AGAP1: variants seen among roughly 807,000 people sequenced by gnomAD.
AGAP1 encodes arf-GAP with GTPase, ANK repeat and PH domain-containing protein 1.
A neutral mutation model predicts 105.3 loss-of-function variants in AGAP1; 29 were observed. The observed-to-expected ratio is 0.28, with a 90% confidence interval of 0.21 to 0.38. The LOEUF is 0.38. Ranked by LOEUF, AGAP1 falls within the 10% of genes least tolerant of loss-of-function variation. The pLI is 1.00. For synonymous variants in AGAP1, 509 were observed against 485.9 expected (o/e 1.05, Z -0.63); for missense variants, 998 against 1,165.1 (o/e 0.86, Z 2.09).
Position 236,105,305 on chromosome 2 carries a change from G to C in AGAP1, c.2115-14887G>C, listed in dbSNP as rs912289556. On this transcript the variant is annotated intron_variant, in intron 16 of 17. Coordinates refer to ENST00000304032, the MANE Select transcript of AGAP1 (RefSeq NM_001037131.3). This position sits in a 1 kb window ranked among gnomAD's most constrained non-coding sequence, Gnocchi z 4.2. ...ACTTCAGTTTTAACACGATAGCCAG[G>C]TAAGGGGGAAAGATGGGCGGAGCGG... Among the ~76,000 whole-genome samples the C allele has an allele frequency of 6.6e-6, 1 of 152,270 alleles. No individual in the cohort carries two copies. Among genetic ancestry groups the C allele is most frequent in the African/African-American group, 2.4e-5 (1 of 41,546 alleles).
At chr2:236,054,756 A>G (rs1036242146) in intron 16 of AGAP1, among the ~76,000 whole-genome samples, 2 of 152,116 alleles carry the variant, frequency 1.3e-5, no homozygotes, top group South Asian at 2.1e-4. Context: ...GCCCTCATCT[A>G]TTTACATACC....
chr2:235,998,681 ATGG>A (rs1300201822), intron 13 of AGAP1, among the ~76,000 whole-genome samples: 2 of 140,752 alleles, frequency 1.4e-5, no homozygotes, highest in African/African-American at 2.7e-5. Context: ...GGTGGTGACG[ATGG>A]TGGTGGTGGT....
chr2:236,014,846 C>T lies in AGAP1; in HGVS notation c.1646-21715C>T, dbSNP rs1465888253. On this transcript the variant is annotated intron_variant, in intron 13 of 17. Transcript: ENST00000304032. This position sits in a 1 kb window ranked among gnomAD's most constrained non-coding sequence, Gnocchi z 6.3. ...GAAACTAAACCGTGTTGGTAGCCTGCGAAATATATACAGCAGCAGCACCAA... is the reference window on the plus strand; with the variant it reads ...GAAACTAAACCGTGTTGGTAGCCTGTGAAATATATACAGCAGCAGCACCAA... The T allele has an allele frequency of 4.4e-6, 2 of 458,030 alleles. No homozygotes were observed. The highest frequency in any genetic ancestry group is 9.0e-6 in the Non-Finnish European group (2 of 222,154). 28.4% of individuals were successfully genotyped at this position (458,030 alleles called of 1,614,324 possible).
At chr2:235,693,661 C>G (rs1325671244) in intron 1 of AGAP1, among the ~76,000 whole-genome samples, 4 of 152,138 alleles carry the variant, frequency 2.6e-5, no homozygotes, top group African/African-American at 9.7e-5. Flanking sequence ...CGAGTGCAGC[C>G]TGGGCAACAT....
In AGAP1 at chr2:235,733,052, C is replaced by T. The variant is rs1264994663; in HGVS notation, c.311-7911C>T. The stretch of plus-strand genomic sequence containing the variant: ...CGTCTAGTTGGAGGGAGCTGCCTCC[C>T]GTTGAAAGAGTCTGCCCTTCTTTAG... On this transcript the variant is annotated intron_variant, in intron 3 of 17. Transcript: ENST00000304032. This position sits in a 1 kb window ranked among gnomAD's most constrained non-coding sequence, Gnocchi z 5.0. Among the ~76,000 whole-genome samples, 12 of 152,188 alleles carry T rather than the reference C, an allele frequency of 7.9e-5. No individual in the cohort carries two copies. The highest frequency in any genetic ancestry group is 1.3e-4 in the Admixed American group (2 of 15,282).
Position 236,000,203 on chromosome 2 carries a change from C to T in AGAP1, c.1645+31580C>T, listed in dbSNP as rs1217477942. Among the ~76,000 whole-genome samples, 1 of 152,162 alleles carries T rather than the reference C, an allele frequency of 6.6e-6. No individual in the cohort carries two copies. The highest frequency in any genetic ancestry group is 1.5e-5 in the Non-Finnish European group (1 of 68,036). On this transcript the variant is annotated intron_variant, in intron 13 of 17. Coordinates refer to ENST00000304032, the MANE Select transcript of AGAP1 (RefSeq NM_001037131.3). This position sits in a 1 kb window ranked among gnomAD's most constrained non-coding sequence, Gnocchi z 4.3. ...TTTTGTCTTTCCAATTACACTAACT[C>T]CTCACTCAATGTCATTCATCAATAG...
rs1471059506 is a variant in AGAP1, at chr2:235,964,027, C to G, written c.1484-4435C>G. ...GTAGGCTCAGCATTGCACAAGTCACCACAGGGGAGGCGAGCACTGGTGGTT... is the reference window on the plus strand; with the variant it reads ...GTAGGCTCAGCATTGCACAAGTCACGACAGGGGAGGCGAGCACTGGTGGTT... On this transcript the variant is annotated intron_variant, in intron 12 of 17. Coordinates refer to ENST00000304032, the MANE Select transcript of AGAP1 (RefSeq NM_001037131.3). The surrounding 1 kb of genome is among the most constrained non-coding windows in gnomAD (Gnocchi z 4.6). Among the ~76,000 whole-genome samples, 3 of 152,156 alleles carry G rather than the reference C, an allele frequency of 2.0e-5. No homozygotes were observed.
intron 1 of AGAP1, among the ~76,000 whole-genome samples, chr2:235,537,412 C>T (rs1408045895): frequency 1.3e-5 from 2 of 151,996 alleles, no homozygotes; most frequent in African/African-American, 4.8e-5. Flanking sequence ...GGAGGCCAGG[C>T]GGGGAGGCCA....
chr2:235,653,320 C>T (rs1471408374), intron 1 of AGAP1, among the ~76,000 whole-genome samples: 5 of 151,572 alleles, frequency 3.3e-5, no homozygotes, highest in East Asian at 2.0e-4. Context: ...AAAAATTAGC[C>T]TGGTGTGGTG....
At position 235,721,675 on chromosome 2, in the gene AGAP1, CTA is replaced by C. The variant is rs1951393123; in HGVS notation, c.310+4033_310+4034del. On this transcript the variant is annotated intron_variant, in intron 3 of 17. Transcript: ENST00000304032. This position sits in a 1 kb window ranked among gnomAD's most constrained non-coding sequence, Gnocchi z 4.5. ...CTGCAGCTTAGAGGTTGAATCTGTT[CTA>C]TGTCTGTGCGGTTCTGATTTAATTA... Among the ~76,000 whole-genome samples the C allele has an allele frequency of 6.6e-6, 1 of 152,028 alleles. No homozygotes were observed. Among genetic ancestry groups the C allele is most frequent in the African/African-American group, 2.4e-5 (1 of 41,378 alleles).
Position 236,036,818 on chromosome 2 carries a change from G to C in AGAP1, c.1800+103G>C. The C allele has an allele frequency of 6.7e-7, 1 of 1,501,312 alleles. No individual in the cohort carries two copies. The highest frequency in any genetic ancestry group is 8.9e-7 in the Non-Finnish European group (1 of 1,122,748). The allele number at this position is 1,501,312 out of a possible 1,614,324, so 93.0% of individuals were successfully genotyped here. ...GAGAAAATAGAGGACCAGTGTGAAT[G>C]ACAGGACCTAGCTATTCTTTATGAG... On this transcript the variant is annotated intron_variant, in intron 14 of 17. Coordinates refer to ENST00000304032, the MANE Select transcript of AGAP1 (RefSeq NM_001037131.3). This position sits in a 1 kb window ranked among gnomAD's most constrained non-coding sequence, Gnocchi z 5.7.
chr2:235,656,982 A>C (rs1947794636), intron 1 of AGAP1, among the ~76,000 whole-genome samples: 1 of 152,246 alleles, frequency 6.6e-6, no homozygotes, highest in Admixed American at 6.5e-5. Context: ...GCATGATTTT[A>C]AATGAATCCA....
intron 16 of AGAP1, among the ~76,000 whole-genome samples, chr2:236,100,196 T>C (rs994328486): frequency 1.3e-5 from 2 of 152,096 alleles, no homozygotes; most frequent in African/African-American, 4.8e-5. Flanking sequence ...TCTTCTAAGG[T>C]TCCTTTCTCA....
chr2:235,677,792 G>A (rs1033149915), intron 1 of AGAP1, among the ~76,000 whole-genome samples: 4 of 151,600 alleles, frequency 2.6e-5, no homozygotes, highest in Non-Finnish European at 4.4e-5. Context: ...TGCGGCTCCT[G>A]CCCTCTCTGA....
intron 16 of AGAP1, among the ~76,000 whole-genome samples, chr2:236,052,728 G>C (rs1035949757): frequency 6.6e-6 from 1 of 152,126 alleles, no homozygotes; most frequent in Non-Finnish European, 1.5e-5. Context: ...CAGTGCATTC[G>C]ATATTAAATT....
At chr2:235,676,168 A>G (rs1446175213) in intron 1 of AGAP1, among the ~76,000 whole-genome samples, 3 of 152,194 alleles carry the variant, frequency 2.0e-5, no homozygotes, top group Admixed American at 2.0e-4. Context: ...AGGAGATGGA[A>G]AAGATTGAAT....
intron 1 of AGAP1, among the ~76,000 whole-genome samples, chr2:235,541,709 T>C (rs1943448293): frequency 6.6e-6 from 1 of 152,170 alleles, no homozygotes; most frequent in Admixed American, 6.5e-5. Context: ...ATTTTATCAC[T>C]TAACATATTT....
Position 236,125,036 on chromosome 2 carries a change from A to G in AGAP1, c.*914A>G. The G allele has an allele frequency of 6.0e-6, 1 of 166,866 alleles. No individual in the cohort carries two copies. 10.3% of individuals were successfully genotyped at this position (166,866 alleles called of 1,614,324 possible). On this transcript the variant is annotated 3_prime_UTR_variant, in exon 18 of 18. Coordinates refer to ENST00000304032, the MANE Select transcript of AGAP1 (RefSeq NM_001037131.3). This position sits in a 1 kb window ranked among gnomAD's most constrained non-coding sequence, Gnocchi z 5.2. ...AAACTCAAAAGGAAACCACAAATTC[A>G]GCTAATAATAGCATTTCGAGTATAT... is the stretch of plus-strand genomic sequence containing the variant.
rs371380459 is a variant in AGAP1 at position 235,542,219 on chromosome 2, G to GC, written c.163+47370_163+47371insC. On this transcript the variant is annotated intron_variant, in intron 1 of 17. Transcript: ENST00000304032. ...AGTGCAGTTCAGACAGTGGGTCCCG[G>GC]GGGGGGGCCAGTTGTCAGAGAGCCC... Among the ~76,000 whole-genome samples the GC allele has an allele frequency of 2.2e-3, 326 of 151,562 alleles. 2 individuals are homozygous for GC. The highest frequency in any genetic ancestry group is 7.2e-3 in the African/African-American group (297 of 41,024).
Sources: allele counts gnomAD v4.1 joint callset (sites outside exome capture counted in the v4.1 genomes callset), GRCh38; gene constraint gnomAD v4.1.1; non-coding constraint Gnocchi (gnomAD v3.1); transcripts MANE v1.5; gene names NCBI Gene and HGNC (gene_info 2026-07-23, HGNC 2026-07-21).